The following SYAP1 variants were observed in gnomAD, a reference collection of about 807,000 sequenced individuals.
The protein encoded by SYAP1 is synapse-associated protein 1.
SYAP1 carries 3 observed loss-of-function variants against 29.6 expected under a neutral mutation model. That is an observed-to-expected ratio of 0.10 (90% confidence interval 0.05 to 0.26). The LOEUF (loss-of-function observed/expected upper bound fraction) is 0.26, where lower values mean the gene tolerates loss of function less well. Among genes scored for constraint, SYAP1 ranks in the 10% least tolerant of loss-of-function variants. The probability of loss-of-function intolerance (pLI) is 1.00; values close to 1 mark genes in which losing one functional copy is unlikely to be tolerated. For missense variants in SYAP1, 217 were observed against 264.1 expected (o/e 0.82, Z 1.24); for synonymous variants, 102 against 102.7 (o/e 0.99, Z 0.04).
intron 7 of SYAP1, 126 bp from the exon 8 acceptor site, chrX:16,757,036 T>C: frequency 1.1e-6 from 1 of 891,061 alleles, no homozygotes; most frequent in African/African-American, 2.0e-5. Context: ...CAGTGCTCAT[T>C]GTCTTACAGC....
rs1215372848 is a variant in SYAP1, at chrX:16,762,739, T to C, written c.*2380T>C. 1 of 111,876 alleles carries C rather than the reference T, an allele frequency of 8.9e-6. No individual in the cohort carries two copies. The highest frequency in any genetic ancestry group is 9.5e-5 in the Admixed American group (1 of 10,484). The allele number at this position is 111,876 out of a possible 1,213,427, so 9.2% of individuals were successfully genotyped here. ...AGTGTGGCTCAGGAACCAGTGTAGC[T>C]TGGCCATGCCCTGGCAGTATGTTGG... On this transcript the variant is annotated 3_prime_UTR_variant, in exon 9 of 9. Coordinates refer to ENST00000380155, the MANE Select transcript of SYAP1 (RefSeq NM_032796.4).
At chrX:16,721,603 T>G (rs749214023) in intron 1 of SYAP1, among the ~76,000 whole-genome samples, 1 of 109,135 alleles carries the variant, frequency 9.2e-6, no homozygotes, top group African/African-American at 3.3e-5. Flanking sequence ...TCTCGGCTCA[T>G]TGCAACCTCC....
intron 5 of SYAP1, 101 bp from the exon 6 acceptor site, chrX:16,754,844 A>G (rs1279553849): frequency 3.6e-6 from 3 of 829,303 alleles, no homozygotes; most frequent in Non-Finnish European, 5.4e-6. Flanking sequence ...CCCTGCGTGC[A>G]CTTGTCTGTG....
chrX:16,737,416 G>A (rs1475918160), intron 3 of SYAP1, among the ~76,000 whole-genome samples: 1 of 111,712 alleles, frequency 9.0e-6, no homozygotes, highest in Admixed American at 9.6e-5. Context: ...AATTCAGTTC[G>A]AGTTGTGCCA....
At chrX:16,725,066 T>C (rs1266217125) in intron 1 of SYAP1, among the ~76,000 whole-genome samples, 1 of 112,442 alleles carries the variant, frequency 8.9e-6, no homozygotes, top group Non-Finnish European at 1.9e-5. Flanking sequence ...CAGCTTCCCT[T>C]TTTTTGAACT....
chrX:16,730,674 G>T (rs756055883), intron 1 of SYAP1, among the ~76,000 whole-genome samples: 2 of 112,153 alleles, frequency 1.8e-5, no homozygotes, highest in East Asian at 5.6e-4. Flanking sequence ...CATAAATTCC[G>T]TTTCATAAAT....
In SYAP1 at chrX:16,763,870, C is replaced by CTTTT. The variant is rs11331396; in HGVS notation, c.*3529_*3532dup. 3.3e-4 allele frequency: 21 copies of CTTTT among 63,546 alleles called. No individual in the cohort carries two copies. Among genetic ancestry groups the CTTTT allele is most frequent in the South Asian group, 7.4e-4 (1 of 1,356 alleles). 5.2% of individuals were successfully genotyped at this position (63,546 alleles called of 1,213,427 possible). On this transcript the variant is annotated 3_prime_UTR_variant, in exon 9 of 9. Transcript: ENST00000380155. ...AGTATTTTATTTGCCTCTTTGACGG[C>CTTTT]TTTTTTTTTTTTTTTTTTTTTGAGA...
intron 8 of SYAP1, among the ~76,000 whole-genome samples, chrX:16,758,831 G>A (rs899640571): frequency 2.7e-5 from 3 of 110,568 alleles, no homozygotes; most frequent in African/African-American, 9.9e-5. Flanking sequence ...TGAGGTTGCT[G>A]CTGTAGAACG....
intron 8 of SYAP1, among the ~76,000 whole-genome samples, chrX:16,757,762 G>A (rs1926881046): frequency 9.4e-6 from 1 of 106,227 alleles, no homozygotes; most frequent in Non-Finnish European, 1.9e-5. Flanking sequence ...TTTTGGCCCT[G>A]GTGCAGTGGC....
At chrX:16,743,401 C>T (rs1817626266) in intron 4 of SYAP1, among the ~76,000 whole-genome samples, 2 of 107,519 alleles carry the variant, frequency 1.9e-5, no homozygotes, top group Admixed American at 1.0e-4. Flanking sequence ...TTTGGGAAGC[C>T]GAGGCAGGTG....
intron 1 of SYAP1, among the ~76,000 whole-genome samples, chrX:16,727,251 A>T (rs1472712939): frequency 7.1e-5 from 7 of 98,460 alleles, no homozygotes; most frequent in African/African-American, 2.7e-4. Context: ...TTAAAATAAA[A>T]TTTTTTTATT....
At chrX:16,746,795 C>A (rs1044189390) in intron 5 of SYAP1, among the ~76,000 whole-genome samples, 2 of 111,450 alleles carry the variant, frequency 1.8e-5, no homozygotes, top group African/African-American at 6.5e-5. Context: ...GCCATGTTGG[C>A]CAGGCTGGTC....
chrX:16,757,121 G>A (rs778238539), intron 7 of SYAP1, 41 bp from the exon 8 acceptor site: 84 of 1,195,920 alleles, frequency 7.0e-5, no homozygotes, highest in Non-Finnish European at 7.2e-5. Context: ...CACAAATGTC[G>A]CTTAGCAAAC....
intron 1 of SYAP1, among the ~76,000 whole-genome samples, chrX:16,721,498 C>T (rs1001020511): frequency 9.1e-6 from 1 of 109,746 alleles, no homozygotes; most frequent in Non-Finnish European, 1.9e-5. Flanking sequence ...GGAAAACAGA[C>T]ATAATCTCAA....
At chrX:16,730,182 C>T (rs922120103) in intron 1 of SYAP1, among the ~76,000 whole-genome samples, 3 of 111,130 alleles carry the variant, frequency 2.7e-5, no homozygotes, top group African/African-American at 6.5e-5. Context: ...GGTAAAACCC[C>T]GTCTCTACTA....
intron 5 of SYAP1, among the ~76,000 whole-genome samples, chrX:16,752,145 A>G (rs1313326404): frequency 1.9e-5 from 2 of 106,601 alleles, no homozygotes; most frequent in Non-Finnish European, 3.9e-5. Context: ...ACATCGGCTA[A>G]TTTTTGTATT....
At chrX:16,735,847 A>G (rs1231386505) in intron 2 of SYAP1, among the ~76,000 whole-genome samples, 1 of 111,790 alleles carries the variant, frequency 8.9e-6, no homozygotes, top group Non-Finnish European at 1.9e-5. Context: ...CTGGTCTCGA[A>G]CTCCTGGCCT....
intron 4 of SYAP1, among the ~76,000 whole-genome samples, chrX:16,742,684 A>G: frequency 8.9e-6 from 1 of 112,475 alleles, no homozygotes; most frequent in Non-Finnish European, 1.9e-5. Flanking sequence ...TGGCATAATT[A>G]TGGCTCACTG....
At chrX:16,752,364 G>GATTTATT (rs1926753375) in intron 5 of SYAP1, among the ~76,000 whole-genome samples, 1 of 96,150 alleles carries the variant, frequency 1.0e-5, no homozygotes, top group South Asian at 5.1e-4. Flanking sequence ...GTTATCAATG[G>GATTTATT]ATTATTATTA....
Sources: allele counts gnomAD v4.1 joint callset (sites outside exome capture counted in the v4.1 genomes callset), GRCh38; gene constraint gnomAD v4.1.1; transcripts MANE v1.5; gene names NCBI Gene and HGNC (gene_info 2026-07-23, HGNC 2026-07-21).